The following LRCH1 variants were observed in gnomAD, a reference collection of about 807,000 sequenced individuals.
LRCH1 encodes leucine-rich repeat and calponin homology domain-containing protein 1.
In LRCH1, 23 loss-of-function variants were observed where a neutral mutation model predicts 94.9. That is an observed-to-expected ratio of 0.24 (90% CI 0.17 to 0.34). The LOEUF (loss-of-function observed/expected upper bound fraction) is 0.34, where lower values mean the gene tolerates loss of function less well. Ranked by LOEUF, LRCH1 falls within the 10% of genes least tolerant of loss-of-function variation. The pLI is 1.00. For missense variants in LRCH1, 790 were observed against 945.9 expected (o/e 0.84, Z 2.16); for synonymous variants, 364 against 354.9 (o/e 1.03, Z -0.29).
chr13:46,705,260 T>A lies in LRCH1; in HGVS notation c.1491-8T>A, dbSNP rs762725361. ...TGTATCTTTTTTTTTCTTTCCTTGT[T>A]CTCACAGTGGTCAAATACAGCTGGA... is the stretch of plus-strand genomic sequence containing the variant. On this transcript the variant is annotated splice_region_variant and splice_polypyrimidine_tract_variant and intron_variant, in intron 12 of 19. Coordinates refer to ENST00000389797, the MANE Select transcript of LRCH1 (RefSeq NM_001164211.2). The A allele has an allele frequency of 3.1e-6, 5 of 1,612,066 alleles. No homozygotes were observed. In the South Asian group the frequency reaches 4.4e-5, roughly 14 times the overall value.
intron 16 of LRCH1, among the ~76,000 whole-genome samples, chr13:46,719,063 T>TAAG (rs1287554974): frequency 3.9e-5 from 6 of 152,246 alleles, no homozygotes; most frequent in Admixed American, 1.3e-4. Context: ...GAGTGCCTAT[T>TAAG]ATGTGCTACA....
intron 4 of LRCH1, among the ~76,000 whole-genome samples, chr13:46,682,986 C>T (rs1280489221): frequency 6.6e-6 from 1 of 152,196 alleles, no homozygotes; most frequent in Non-Finnish European, 1.5e-5. Flanking sequence ...TCCTGGAACC[C>T]TGAATGCTTT....
At chr13:46,604,089 A>T (rs1180826790) in intron 1 of LRCH1, among the ~76,000 whole-genome samples, 1 of 152,230 alleles carries the variant, frequency 6.6e-6, no homozygotes, top group Non-Finnish European at 1.5e-5. Context: ...GAGTTGCCAG[A>T]TGTAGCAAAT....
chr13:46,731,331 G>A (rs1873098378), intron 18 of LRCH1, among the ~76,000 whole-genome samples: 1 of 152,066 alleles, frequency 6.6e-6, no homozygotes, highest in African/African-American at 2.4e-5. Context: ...TCTGCCCCCA[G>A]GGTTCAAGCG....
At chr13:46,594,633 T>C (rs963525234) in intron 1 of LRCH1, among the ~76,000 whole-genome samples, 1 of 152,160 alleles carries the variant, frequency 6.6e-6, no homozygotes, top group Non-Finnish European at 1.5e-5. Context: ...GCTGAGATTG[T>C]ACAGTAGAAT....
chr13:46,554,151 T>C (rs2050036626), intron 1 of LRCH1, among the ~76,000 whole-genome samples: 1 of 152,194 alleles, frequency 6.6e-6, no homozygotes, highest in Non-Finnish European at 1.5e-5. Context: ...GTTCAAGCCG[T>C]CTTTGCATCG....
At chr13:46,583,127 C>T (rs931019316) in intron 1 of LRCH1, among the ~76,000 whole-genome samples, 6 of 152,204 alleles carry the variant, frequency 3.9e-5, no homozygotes, top group African/African-American at 1.4e-4. Context: ...ACCTTTTTAT[C>T]TTTTGTAAGT....
At chr13:46,697,295 C>A (rs1871246393) in intron 9 of LRCH1, among the ~76,000 whole-genome samples, 1 of 152,116 alleles carries the variant, frequency 6.6e-6, no homozygotes, top group Non-Finnish European at 1.5e-5. Flanking sequence ...AGCACACAAC[C>A]TTGGTGTGTG....
chr13:46,621,751 A>G (rs749335140), intron 1 of LRCH1, among the ~76,000 whole-genome samples: 1 of 152,230 alleles, frequency 6.6e-6, no homozygotes, highest in Non-Finnish European at 1.5e-5. Flanking sequence ...CAGTATAATA[A>G]GAGAGTTAGT....
chr13:46,638,826 G>A (rs9534448), intron 1 of LRCH1, among the ~76,000 whole-genome samples: 127,910 of 152,220 alleles, frequency 0.84, 54,297 homozygotes, highest in African/African-American at 0.96. Context: ...CACATACGTG[G>A]ACGTGCTGTT....
chr13:46,593,946 T>A (rs1351767951), intron 1 of LRCH1, among the ~76,000 whole-genome samples: 1 of 152,206 alleles, frequency 6.6e-6, no homozygotes, highest in Non-Finnish European at 1.5e-5. Flanking sequence ...TCTATAAAAC[T>A]AATTTTAAGT....
At chr13:46,634,125 G>T (rs1035211184) in intron 1 of LRCH1, among the ~76,000 whole-genome samples, 10 of 152,032 alleles carry the variant, frequency 6.6e-5, no homozygotes, top group Non-Finnish European at 1.5e-5. Context: ...TGATCTGCCC[G>T]CCTCAGCCTC....
chr13:46,655,067 C>T (rs1270418605), intron 2 of LRCH1, among the ~76,000 whole-genome samples: 5 of 152,178 alleles, frequency 3.3e-5, no homozygotes, highest in Non-Finnish European at 2.9e-5. Flanking sequence ...AAACTGATTA[C>T]ACCCTCTGGG....
chr13:46,748,535 C>T (rs535248242), downstream of LRCH1, among the ~76,000 whole-genome samples: 5 of 152,278 alleles, frequency 3.3e-5, no homozygotes, highest in South Asian at 2.1e-4. Context: ...TTCACAAGCC[C>T]GTGGCAGATG....
Position 46,733,814 on chromosome 13 carries a change from A to G in LRCH1, c.2008-107A>G. 4.9e-6 allele frequency: 3 copies of G among 612,270 alleles called. No individual in the cohort carries two copies. The Admixed American group carries it at 1.0e-4, about 21-fold the overall frequency. 37.9% of individuals were successfully genotyped at this position (612,270 alleles called of 1,614,324 possible). A position where few individuals can be genotyped will look rare whatever the true frequency, so the allele number is the denominator to read the frequency against. On this transcript the variant is annotated intron_variant, in intron 18 of 19. Transcript: ENST00000389797. ...CTTATGTGTTATTTTCTTTTGCTCC[A>G]ATAAACATGTATTGCTTGTGCCATT...
intron 1 of LRCH1, among the ~76,000 whole-genome samples, chr13:46,568,227 T>C (rs1434130501): frequency 6.6e-6 from 1 of 152,220 alleles, no homozygotes; most frequent in Non-Finnish European, 1.5e-5. Flanking sequence ...GGCACCATCC[T>C]AAATCCAGGT....
intron 1 of LRCH1, among the ~76,000 whole-genome samples, chr13:46,645,445 T>C (rs1014230270): frequency 2.0e-5 from 3 of 152,232 alleles, no homozygotes; most frequent in Non-Finnish European, 4.4e-5. Flanking sequence ...TCTTGTGATA[T>C]TTAACTGCTG....
intron 1 of LRCH1, among the ~76,000 whole-genome samples, chr13:46,558,709 G>A (rs2050096886): frequency 1.3e-5 from 2 of 151,848 alleles, no homozygotes; most frequent in African/African-American, 4.8e-5. Flanking sequence ...CTCCAGCCTG[G>A]GCGACAGAAC....
chr13:46,579,228 A>C (rs544178817), intron 1 of LRCH1, among the ~76,000 whole-genome samples: 14 of 152,236 alleles, frequency 9.2e-5, no homozygotes, highest in Admixed American at 2.6e-4. Flanking sequence ...TACGGGCAGA[A>C]GGTTGCACTG....
Sources: allele counts gnomAD v4.1 joint callset (sites outside exome capture counted in the v4.1 genomes callset), GRCh38; gene constraint gnomAD v4.1.1; transcripts MANE v1.5; gene names NCBI Gene and HGNC (gene_info 2026-07-23, HGNC 2026-07-21).